The following NRXN1 variants were observed in gnomAD, a reference collection of about 807,000 sequenced individuals.
NRXN1 encodes neurexin 1, also known as neurexin-1.
In NRXN1, 39 loss-of-function variants were observed where a neutral mutation model predicts 150.9. That is an observed-to-expected ratio of 0.26 (90% CI 0.20 to 0.34). The LOEUF (loss-of-function observed/expected upper bound fraction) is 0.34. Among genes scored for constraint, NRXN1 ranks in the 10% least tolerant of loss-of-function variants. The pLI, the probability that NRXN1 is intolerant of heterozygous loss-of-function variation, is 1.00. For missense variants in NRXN1, 1,815 were observed against 1,949.9 expected (o/e 0.93, Z 1.30); for synonymous variants, 924 against 757.0 (o/e 1.22, Z -3.62).
At chr2:51,029,742 G>A (rs916599467) in intron 1 of NRXN1, among the ~76,000 whole-genome samples, 3 of 152,154 alleles carry the variant, frequency 2.0e-5, no homozygotes, top group Non-Finnish European at 4.4e-5. Flanking sequence ...TTTCACACAA[G>A]TATAGTTCTC....
At chr2:50,445,185 A>AC (rs931022510) in intron 17 of NRXN1, among the ~76,000 whole-genome samples, 8 of 152,120 alleles carry the variant, frequency 5.3e-5, no homozygotes, top group Non-Finnish European at 1.2e-4. Context: ...GGCCCGCAAT[A>AC]CCCCACATAA....
At position 50,655,402 on chromosome 2, in the gene NRXN1, T is replaced by G. The variant is rs190051589; in HGVS notation, c.833-31787A>C. 1.8e-4 allele frequency among the ~76,000 whole-genome samples: 28 copies of G among 152,130 alleles called. No individual in the cohort carries two copies. The East Asian group carries it at 5.4e-3, about 30-fold the overall frequency. On this transcript the variant is annotated intron_variant, in intron 5 of 22. Coordinates refer to ENST00000401669, the MANE Select transcript of NRXN1 (RefSeq NM_001330078.2). Reference sequence around the variant, plus strand: ...CCCAGATTTGTTCTAGCTTACAGCCTAGGAATAAGAATATATACTTTCCTG... The same window carrying G: ...CCCAGATTTGTTCTAGCTTACAGCCGAGGAATAAGAATATATACTTTCCTG...
chr2:50,593,088 T>C (rs1324862958), intron 8 of NRXN1, among the ~76,000 whole-genome samples: 1 of 152,200 alleles, frequency 6.6e-6, no homozygotes, highest in East Asian at 1.9e-4. Context: ...AAAATGAAAT[T>C]CTCCCAGATC....
intron 18 of NRXN1, among the ~76,000 whole-genome samples, chr2:50,114,037 A>T (rs1702711198): frequency 6.6e-6 from 1 of 152,128 alleles, no homozygotes; most frequent in Admixed American, 6.6e-5. Context: ...ATACAAACTG[A>T]ACCCTAAAAT....
intron 5 of NRXN1, among the ~76,000 whole-genome samples, chr2:50,858,283 G>A (rs766405360): frequency 3.3e-5 from 5 of 152,016 alleles, no homozygotes; most frequent in Non-Finnish European, 7.4e-5. Flanking sequence ...ATGAGGCTTT[G>A]ATGAACAAAA....
chr2:50,232,695 T>G (rs2065061061), intron 18 of NRXN1, among the ~76,000 whole-genome samples: 1 of 152,086 alleles, frequency 6.6e-6, no homozygotes, highest in Non-Finnish European at 1.5e-5. Flanking sequence ...ATTTTTCTTA[T>G]TAATCATCAC....
At chr2:50,570,235 A>C (rs1215592205) in intron 8 of NRXN1, among the ~76,000 whole-genome samples, 1 of 151,606 alleles carries the variant, frequency 6.6e-6, no homozygotes, top group Admixed American at 6.6e-5. Flanking sequence ...AAGGAGTAAG[A>C]CATGGGCTGG....
At chr2:50,591,316 C>A (rs997245855) in intron 8 of NRXN1, among the ~76,000 whole-genome samples, 1 of 151,702 alleles carries the variant, frequency 6.6e-6, no homozygotes, top group Admixed American at 6.6e-5. Flanking sequence ...AGTATAAAGA[C>A]TCTGAAGCTG....
chr2:50,288,116 A>T (rs1345117058), intron 17 of NRXN1, among the ~76,000 whole-genome samples: 1 of 152,204 alleles, frequency 6.6e-6, no homozygotes, highest in African/African-American at 2.4e-5. Flanking sequence ...TTCAAACAGC[A>T]TGTAATTATG....
At chr2:50,788,867 A>C (rs1705530998) in intron 5 of NRXN1, among the ~76,000 whole-genome samples, 1 of 152,164 alleles carries the variant, frequency 6.6e-6, no homozygotes, top group Non-Finnish European at 1.5e-5. Context: ...CACTATGATA[A>C]GGGTAACCGA....
chr2:50,379,277 A>G (rs2080766216), intron 17 of NRXN1, among the ~76,000 whole-genome samples: 1 of 152,174 alleles, frequency 6.6e-6, no homozygotes, highest in Admixed American at 6.5e-5. Flanking sequence ...CCTATCAGTC[A>G]GTATACTCAC....
chr2:50,070,680 G>C (rs1470904648), intron 19 of NRXN1, among the ~76,000 whole-genome samples: 1 of 147,668 alleles, frequency 6.8e-6, no homozygotes, highest in East Asian at 2.0e-4. Context: ...TGAGGCAGGA[G>C]AATGGCGTGA....
chr2:50,669,503 A>T (rs1186366033), intron 5 of NRXN1, among the ~76,000 whole-genome samples: 5 of 152,052 alleles, frequency 3.3e-5, no homozygotes, highest in Non-Finnish European at 7.4e-5. Context: ...GAGATACAGC[A>T]TAACTATTAA....
chr2:49,944,128 C>T (rs1672481730), intron 21 of NRXN1, among the ~76,000 whole-genome samples: 1 of 152,132 alleles, frequency 6.6e-6, no homozygotes, highest in South Asian at 2.1e-4. Context: ...TTATTACAGC[C>T]TGGAGTGCTA....
chr2:51,031,720 T>A (rs114172478), intron 1 of NRXN1, among the ~76,000 whole-genome samples: 2 of 152,132 alleles, frequency 1.3e-5, no homozygotes, highest in Non-Finnish European at 2.9e-5. Flanking sequence ...ATATCTAGCC[T>A]GTCTCTTATT....
chr2:49,942,589 A>ATATTATTATTATTATTAT (rs1553398763), intron 22 of NRXN1, among the ~76,000 whole-genome samples: 1 of 149,118 alleles, frequency 6.7e-6, no homozygotes, highest in Non-Finnish European at 1.5e-5. Context: ...AATGCAAACA[A>ATATTATTATTATTATTAT]TATTATTATT....
intron 17 of NRXN1, among the ~76,000 whole-genome samples, chr2:50,387,976 A>T (rs1196029025): frequency 1.3e-5 from 2 of 152,186 alleles, no homozygotes; most frequent in Admixed American, 6.5e-5. Flanking sequence ...TAGATAATTA[A>T]TCACAATTAA....
chr2:50,187,752 T>C (rs866057157), intron 18 of NRXN1, among the ~76,000 whole-genome samples: 1 of 152,152 alleles, frequency 6.6e-6, no homozygotes, highest in East Asian at 1.9e-4. Context: ...TCCTCTCTTA[T>C]TTCCTTGAGC....
chr2:50,667,942 G>T (rs1001768814), intron 5 of NRXN1, among the ~76,000 whole-genome samples: 1 of 151,898 alleles, frequency 6.6e-6, no homozygotes, highest in African/African-American at 2.4e-5. Context: ...TTTCACATTT[G>T]ATATTGTCTA....
Sources: gnomAD v4.1 joint callset for allele counts (sites outside exome capture counted in the v4.1 genomes callset) on GRCh38, gnomAD v4.1.1 for gene constraint, MANE v1.5 for transcripts, NCBI Gene and HGNC (gene_info 2026-07-23, HGNC 2026-07-21) for gene names.